The following CAMK1D variants were observed in gnomAD, a reference collection of about 807,000 sequenced individuals.
The protein encoded by CAMK1D is calcium/calmodulin-dependent protein kinase type 1D.
A neutral mutation model predicts 47.7 loss-of-function variants in CAMK1D; 9 were observed. That is an observed-to-expected ratio of 0.19 (90% CI 0.11 to 0.33). The LOEUF (loss-of-function observed/expected upper bound fraction) is 0.33, where lower values mean the gene tolerates loss of function less well. Ranked by LOEUF, CAMK1D falls within the 10% of genes least tolerant of loss-of-function variation. The pLI is 1.00. For synonymous variants in CAMK1D, 184 were observed against 184.9 expected (o/e 0.99, Z 0.04); for missense variants, 291 against 488.7 (o/e 0.60, Z 3.81).
At chr10:12,558,767 G>C (rs1026181959) in intron 2 of CAMK1D, among the ~76,000 whole-genome samples, 5 of 152,148 alleles carry the variant, frequency 3.3e-5, no homozygotes, top group Non-Finnish European at 5.9e-5. Context: ...TTTGGTGGAA[G>C]GGGTACTGTC....
In CAMK1D at chr10:12,663,670, G is replaced by T. The variant is rs934145668; in HGVS notation, c.225-3066G>T. On this transcript the variant is annotated intron_variant, in intron 2 of 10. Coordinates refer to ENST00000619168, the MANE Select transcript of CAMK1D (RefSeq NM_153498.4). ...TAGGACTGTGCCTGATACATGGCAG[G>T]CACCCAACAGATATTTATTGAATGA... is the stretch of plus-strand genomic sequence containing the variant. Among the ~76,000 whole-genome samples the T allele has an allele frequency of 2.6e-5, 4 of 152,086 alleles. No individual in the cohort carries two copies. In the East Asian group the frequency reaches 5.8e-4, roughly 22 times the overall value.
chr10:12,751,793 A>C (rs904289681), intron 3 of CAMK1D, among the ~76,000 whole-genome samples: 19 of 151,548 alleles, frequency 1.3e-4, no homozygotes, highest in African/African-American at 4.4e-4. Flanking sequence ...GGCACGCAGC[A>C]GGGAAGCCAT....
At chr10:12,685,572 C>A (rs1483232319) in intron 3 of CAMK1D, among the ~76,000 whole-genome samples, 1 of 152,162 alleles carries the variant, frequency 6.6e-6, no homozygotes. Context: ...TTGACCCCAG[C>A]CCTTTATAAA....
chr10:12,788,746 C>T (rs1034968648), intron 5 of CAMK1D, among the ~76,000 whole-genome samples: 1 of 152,232 alleles, frequency 6.6e-6, no homozygotes, highest in African/African-American at 2.4e-5. Flanking sequence ...GAGAAATACG[C>T]TCTTAGCAGT....
At chr10:12,355,562 CAT>C (rs1837486168) in intron 1 of CAMK1D, among the ~76,000 whole-genome samples, 1 of 151,896 alleles carries the variant, frequency 6.6e-6, no homozygotes. Flanking sequence ...TGGTGAATTT[CAT>C]AGTTGTTTTT....
chr10:12,786,836 A>G (rs1425656470), intron 5 of CAMK1D, among the ~76,000 whole-genome samples: 1 of 152,246 alleles, frequency 6.6e-6, no homozygotes, highest in Non-Finnish European at 1.5e-5. Context: ...GAATCTAAAC[A>G]TCTCGGCTGG....
Position 12,370,757 on chromosome 10 carries a change from C to T in CAMK1D, c.92+20847C>T, listed in dbSNP as rs370509860. ...CTGAGTAGCTGGGACTACAGGCATG[C>T]GCCACCACGCCCGGCTAATTTTTGT... On this transcript the variant is annotated intron_variant, in intron 1 of 10. Coordinates refer to ENST00000619168, the MANE Select transcript of CAMK1D (RefSeq NM_153498.4). 1.1e-4 allele frequency among the ~76,000 whole-genome samples: 17 copies of T among 152,182 alleles called. No homozygotes were observed. The South Asian group carries it at 2.9e-3, about 26-fold the overall frequency.
chr10:12,423,892 G>T (rs530826794), intron 1 of CAMK1D, among the ~76,000 whole-genome samples: 1 of 152,336 alleles, frequency 6.6e-6, no homozygotes, highest in East Asian at 1.9e-4. Flanking sequence ...TTGAGCCTCA[G>T]TGATTGAGTC....
intron 2 of CAMK1D, among the ~76,000 whole-genome samples, chr10:12,577,158 GCAGTCCCCCCGGC>G (rs573909941): frequency 3.5e-4 from 53 of 151,942 alleles, no homozygotes; most frequent in African/African-American, 1.2e-3. Context: ...CATGTATGCT[GCAGTCCCCCCGGC>G]CAATAACACA....
intron 3 of CAMK1D, among the ~76,000 whole-genome samples, chr10:12,702,754 T>G (rs1411829833): frequency 6.6e-6 from 1 of 152,080 alleles, no homozygotes; most frequent in Non-Finnish European, 1.5e-5. Context: ...AGGCCATCTG[T>G]GAGCTGGGGA....
intron 2 of CAMK1D, among the ~76,000 whole-genome samples, chr10:12,569,742 A>AAAG (rs1465898014): frequency 1.1e-4 from 16 of 151,586 alleles, no homozygotes; most frequent in East Asian, 7.8e-4. Context: ...AAAAAAAAAA[A>AAAG]AATTGTGTGG....
In CAMK1D at chr10:12,825,563, G is replaced by C; in HGVS notation, c.922-10G>C. 1 of 1,599,300 alleles carries C rather than the reference G, an allele frequency of 6.3e-7. No individual in the cohort carries two copies. Among genetic ancestry groups the C allele is most frequent in the East Asian group, 2.2e-5 (1 of 44,764 alleles). On this transcript the variant is annotated splice_polypyrimidine_tract_variant and intron_variant, in intron 9 of 10. Transcript: ENST00000619168. ...ATATTTGTCTGCTTTTTTCCTTTCT[G>C]AAATTTCAGCAAGCATTTAATGCCA...
chr10:12,427,875 T>C (rs1840306028), intron 1 of CAMK1D, among the ~76,000 whole-genome samples: 1 of 151,332 alleles, frequency 6.6e-6, no homozygotes, highest in South Asian at 2.1e-4. Context: ...GCCTGGCTGA[T>C]TTTTCCATTT....
intron 2 of CAMK1D, among the ~76,000 whole-genome samples, chr10:12,620,635 G>T (rs1470368891): frequency 6.6e-6 from 1 of 152,082 alleles, no homozygotes; most frequent in Non-Finnish European, 1.5e-5. Context: ...TTTTGTTGTT[G>T]AGTTTTGACA....
intron 3 of CAMK1D, among the ~76,000 whole-genome samples, chr10:12,671,218 G>C (rs973144743): frequency 6.6e-6 from 1 of 151,986 alleles, no homozygotes; most frequent in Admixed American, 6.6e-5. Context: ...GGACATTTAG[G>C]TTGTCTCACT....
intron 2 of CAMK1D, among the ~76,000 whole-genome samples, chr10:12,655,616 T>C (rs1840095926): frequency 6.6e-6 from 1 of 152,250 alleles, no homozygotes; most frequent in South Asian, 2.1e-4. Context: ...TGAGTGTTGA[T>C]ATGTGCTGGA....
Position 12,558,634 on chromosome 10 carries a change from T to A in CAMK1D, c.224+5278T>A, listed in dbSNP as rs1483226535. Among the ~76,000 whole-genome samples the A allele has an allele frequency of 2.0e-5, 3 of 151,860 alleles. No homozygotes were observed. In the East Asian group the frequency reaches 5.8e-4, roughly 29 times the overall value. On this transcript the variant is annotated intron_variant, in intron 2 of 10. Coordinates refer to ENST00000619168, the MANE Select transcript of CAMK1D (RefSeq NM_153498.4). ...TAGAAAGGCAAATATATCAACAGTC[T>A]ACATTTAAATGAGAGGTGAAGAGAG...
chr10:12,363,378 C>G (rs1036707577), intron 1 of CAMK1D, among the ~76,000 whole-genome samples: 17 of 152,010 alleles, frequency 1.1e-4, no homozygotes, highest in African/African-American at 1.7e-4. Flanking sequence ...CCTCAACCTT[C>G]CAAGTAGCCG....
Position 12,378,167 on chromosome 10 carries a change from C to T in CAMK1D, c.92+28257C>T, listed in dbSNP as rs76486881. Among the ~76,000 whole-genome samples the T allele has an allele frequency of 1.7e-3, 256 of 152,352 alleles. 3 individuals are homozygous for T. Among genetic ancestry groups the T allele is most frequent in the East Asian group, 0.016 (81 of 5,186 alleles). ...TGGGCGTTCACCCTGCCTGGCTGCC[C>T]AGGGGCCCATGTGCAAAGGGCTCCA... On this transcript the variant is annotated intron_variant, in intron 1 of 10. Coordinates refer to ENST00000619168, the MANE Select transcript of CAMK1D (RefSeq NM_153498.4).
Sources: gnomAD v4.1 joint callset for allele counts (sites outside exome capture counted in the v4.1 genomes callset) on GRCh38, gnomAD v4.1.1 for gene constraint, MANE v1.5 for transcripts, NCBI Gene and HGNC (gene_info 2026-07-23, HGNC 2026-07-21) for gene names.